Variants in ENTREP2 observed in about 807,000 individuals in gnomAD.
The protein encoded by ENTREP2 is endosomal transmembrane epsin interactor 2.
chr15:29,567,351 T>C, the ENTREP2 span, among the ~76,000 whole-genome samples: 4 of 152,196 alleles, frequency 2.6e-5, no homozygotes, highest in African/African-American at 4.8e-5. Flanking sequence ...TTTCCAGGCA[T>C]GTTTTATGCT....
chr15:29,131,116 C>G, the ENTREP2 span, among the ~76,000 whole-genome samples: 1 of 152,142 alleles, frequency 6.6e-6, no homozygotes, highest in East Asian at 1.9e-4. Context: ...AAATTCTGCC[C>G]CATTCTGTAG....
At chr15:29,342,187 G>A in the ENTREP2 span, among the ~76,000 whole-genome samples, 1 of 152,184 alleles carries the variant, frequency 6.6e-6, no homozygotes, top group South Asian at 2.1e-4. Flanking sequence ...CATACAGATG[G>A]CGATGAGGGG....
the ENTREP2 span, among the ~76,000 whole-genome samples, chr15:29,320,495 G>A: frequency 2.0e-5 from 3 of 152,126 alleles, no homozygotes; most frequent in Non-Finnish European, 2.9e-5. Context: ...AGAAGGCATG[G>A]TAAAAGGCAA....
At chr15:29,494,621 C>T in the ENTREP2 span, among the ~76,000 whole-genome samples, 1 of 152,142 alleles carries the variant, frequency 6.6e-6, no homozygotes, top group Admixed American at 6.5e-5. Context: ...ACTAACTCAT[C>T]GTGTAACTGA....
the ENTREP2 span, among the ~76,000 whole-genome samples, chr15:29,314,449 C>G: frequency 6.6e-6 from 1 of 152,186 alleles, no homozygotes; most frequent in Non-Finnish European, 1.5e-5. Flanking sequence ...CTAGGCAAGA[C>G]CCTCCACCAG....
At chr15:29,149,728 G>A in the ENTREP2 span, among the ~76,000 whole-genome samples, 1 of 152,322 alleles carries the variant, frequency 6.6e-6, no homozygotes, top group South Asian at 2.1e-4. Context: ...TGAATCCACA[G>A]GGAAGTGTGG....
At chr15:29,194,856 C>T in the ENTREP2 span, among the ~76,000 whole-genome samples, 4 of 152,216 alleles carry the variant, frequency 2.6e-5, no homozygotes, top group Non-Finnish European at 4.4e-5. Flanking sequence ...GCCTGTTGAA[C>T]ACCCCAACCA....
the ENTREP2 span, among the ~76,000 whole-genome samples, chr15:29,626,610 C>T: frequency 6.6e-6 from 1 of 152,220 alleles, no homozygotes. Flanking sequence ...TTTACCTAAT[C>T]AGGTCATCTG....
At chr15:29,350,544 A>C in the ENTREP2 span, among the ~76,000 whole-genome samples, 4 of 152,248 alleles carry the variant, frequency 2.6e-5, no homozygotes, top group Non-Finnish European at 5.9e-5. Flanking sequence ...ACAGAAATTT[A>C]AGTTTATCTC....
chr15:29,628,702 G>A, the ENTREP2 span, among the ~76,000 whole-genome samples: 1 of 152,140 alleles, frequency 6.6e-6, no homozygotes, highest in Admixed American at 6.5e-5. Context: ...GTCCTTTGGT[G>A]TTTGGTACAT....
chr15:29,389,481 C>T, the ENTREP2 span, among the ~76,000 whole-genome samples: 86 of 152,178 alleles, frequency 5.7e-4, no homozygotes, highest in South Asian at 0.01. Flanking sequence ...GCGCTTGGAA[C>T]TGACTGTGCA....
the ENTREP2 span, among the ~76,000 whole-genome samples, chr15:29,293,591 C>T: frequency 6.6e-6 from 1 of 152,274 alleles, no homozygotes; most frequent in South Asian, 2.1e-4. Flanking sequence ...AAGGGTTCCC[C>T]CAGGTCCCAG....
At chr15:29,125,700 G>T in the ENTREP2 span, among the ~76,000 whole-genome samples, 2 of 152,206 alleles carry the variant, frequency 1.3e-5, no homozygotes, top group African/African-American at 4.8e-5. Context: ...AGCGCCGGGG[G>T]TGCCCAAGAC....
At chr15:29,574,525 T>G in the ENTREP2 span, among the ~76,000 whole-genome samples, 5 of 152,126 alleles carry the variant, frequency 3.3e-5, no homozygotes, top group Admixed American at 1.3e-4. Context: ...ATCGCTTGAC[T>G]TTGTGATCCA....
the ENTREP2 span, among the ~76,000 whole-genome samples, chr15:29,158,405 C>CTTT: frequency 0.024 from 3,237 of 132,932 alleles, 163 homozygotes; most frequent in African/African-American, 0.089. Flanking sequence ...TTATCTCTGC[C>CTTT]TTTTTTTTTT....
At chr15:29,670,662 A>G in the ENTREP2 span, among the ~76,000 whole-genome samples, 13 of 152,134 alleles carry the variant, frequency 8.5e-5, no homozygotes, top group Non-Finnish European at 1.9e-4. Context: ...AAATGAAAAC[A>G]AAAATTGTGG....
chr15:29,320,445 T>C, the ENTREP2 span, among the ~76,000 whole-genome samples: 5 of 152,228 alleles, frequency 3.3e-5, no homozygotes, highest in Non-Finnish European at 7.3e-5. Context: ...CTTTAATTCT[T>C]ATTATCTGAT....
the ENTREP2 span, among the ~76,000 whole-genome samples, chr15:29,342,449 C>T: frequency 2.0e-5 from 3 of 152,174 alleles, no homozygotes. Flanking sequence ...CATAGTGCGA[C>T]GAAGTCTCCC....
chr15:29,139,214 G>A, the ENTREP2 span, among the ~76,000 whole-genome samples: 1 of 152,208 alleles, frequency 6.6e-6, no homozygotes, highest in Non-Finnish European at 1.5e-5. Context: ...TGGTGGCCGT[G>A]TCTAAAGGTC....
Sources: gnomAD v4.1 joint callset for allele counts (sites outside exome capture counted in the v4.1 genomes callset) on GRCh38, gnomAD v4.1.1 for gene constraint, MANE v1.5 for transcripts, NCBI Gene and HGNC (gene_info 2026-07-23, HGNC 2026-07-21) for gene names.